LCORL: variants seen among roughly 807,000 people sequenced by gnomAD.
The protein encoded by LCORL is ligand dependent nuclear receptor corepressor like.
LCORL carries 41 observed loss-of-function variants against 141.8 expected under a neutral mutation model. That is an observed-to-expected ratio of 0.29 (90% CI 0.23 to 0.38). The LOEUF (loss-of-function observed/expected upper bound fraction) is 0.38. Ranked by LOEUF, LCORL falls within the 10% of genes least tolerant of loss-of-function variation. The pLI is 1.00. For synonymous variants in LCORL, 618 were observed against 694.1 expected, an observed-to-expected ratio of 0.89 and a Z score of 1.72; for missense variants, 1,759 against 2,035.0, an observed-to-expected ratio of 0.86 and a Z score of 2.61.
intron 4 of LCORL, among the ~76,000 whole-genome samples, chr4:17,945,300 G>T (rs1269392852): frequency 6.6e-6 from 1 of 151,674 alleles, no homozygotes; most frequent in East Asian, 1.9e-4. Context: ...AATTATGTGA[G>T]AATACAAACA....
chr4:17,863,977 C>A (rs1380383939), intron 7 of LCORL, among the ~76,000 whole-genome samples: 1 of 152,050 alleles, frequency 6.6e-6, no homozygotes, highest in African/African-American at 2.4e-5. Flanking sequence ...AAGAGAACAA[C>A]AGAAAGCAGG....
intron 4 of LCORL, among the ~76,000 whole-genome samples, chr4:17,945,147 T>C (rs1331589102): frequency 6.6e-6 from 1 of 152,108 alleles, no homozygotes; most frequent in Non-Finnish European, 1.5e-5. Context: ...CCAAAGTACT[T>C]TAGAGATAAG....
intron 6 of LCORL, chr4:17,882,374 C>A: frequency 1.0e-6 from 1 of 982,980 alleles, no homozygotes; most frequent in Non-Finnish European, 1.2e-6. Flanking sequence ...TATATGAAGG[C>A]ATATGCTTTA....
At chr4:17,903,010 A>G (rs924015877) in intron 5 of LCORL, among the ~76,000 whole-genome samples, 3 of 152,108 alleles carry the variant, frequency 2.0e-5, no homozygotes, top group Admixed American at 6.5e-5. Context: ...ATTAAAAAGT[A>G]TATTTCAGAA....
At chr4:17,880,473 T>C in intron 6 of LCORL, 1 of 937,640 alleles carries the variant, frequency 1.1e-6, no homozygotes, top group Non-Finnish European at 1.3e-6. Context: ...TGCCTATTTT[T>C]AGTATGTTAC....
chr4:17,955,181 C>CA lies in LCORL; in HGVS notation c.430+6721dup, dbSNP rs201620863. On this transcript the variant is annotated intron_variant, in intron 4 of 7. Transcript: ENST00000635767. ...TGAAAGAAGCAATCTGTGAGAAAGG[C>CA]AAAAAAAATCCAAAGGGTATAATTT... Among the ~76,000 whole-genome samples, 1,166 of 151,038 alleles carry CA rather than the reference C, an allele frequency of 7.7e-3. 10 individuals are homozygous for CA. Among genetic ancestry groups the CA allele is most frequent in the Non-Finnish European group, 0.013 (869 of 67,604 alleles).
At chr4:17,896,502 G>A (rs575020718) in intron 5 of LCORL, among the ~76,000 whole-genome samples, 5 of 152,150 alleles carry the variant, frequency 3.3e-5, no homozygotes, top group Admixed American at 2.0e-4. Context: ...GGCTGGTCTC[G>A]AACTCCTGAC....
intron 7 of LCORL, among the ~76,000 whole-genome samples, chr4:17,860,943 C>T (rs1724934233): frequency 6.6e-6 from 1 of 152,200 alleles, no homozygotes; most frequent in Non-Finnish European, 1.5e-5. Context: ...TTATCATGGT[C>T]TTGGGCAGCT....
rs563026474 is a variant in LCORL, at chr4:17,895,704, C to G, written c.683-9543G>C. 4.6e-5 allele frequency among the ~76,000 whole-genome samples: 7 copies of G among 152,304 alleles called. No individual in the cohort carries two copies. The South Asian group carries it at 6.2e-4, about 14-fold the overall frequency. The stretch of plus-strand genomic sequence containing the variant: ...CTGCACCCTTGGGCGACTGCTCTCC[C>G]TTGTCCTATGACTCCTGGCCTTTGG... On this transcript the variant is annotated intron_variant, in intron 5 of 7. Transcript: ENST00000635767.
chr4:17,906,430 C>A (rs1458642814), intron 5 of LCORL, among the ~76,000 whole-genome samples: 1 of 152,094 alleles, frequency 6.6e-6, no homozygotes, highest in East Asian at 1.9e-4. Context: ...TAATTTCTAT[C>A]CTCAAGAAGA....
chr4:18,006,641 AG>A (rs1214143562), intron 1 of LCORL, among the ~76,000 whole-genome samples: 2 of 152,302 alleles, frequency 1.3e-5, no homozygotes, highest in Non-Finnish European at 2.9e-5. Flanking sequence ...GTGGCAGACA[AG>A]AGAAGAGAGC....
At chr4:18,019,280 A>T (rs941022444) in intron 1 of LCORL, among the ~76,000 whole-genome samples, 4 of 152,212 alleles carry the variant, frequency 2.6e-5, no homozygotes, top group African/African-American at 9.7e-5. Flanking sequence ...CGGAGGTTGC[A>T]GTGAGCTGAG....
exon 8 of LCORL, chr4:17,843,281 G>GTAT (rs1722601964): frequency 1.3e-6 from 2 of 1,597,526 alleles, no homozygotes; most frequent in African/African-American, 1.4e-5. Context: ...CTAAATTCGT[G>GTAT]TATTTTCAAC....
At chr4:17,876,293 T>C in exon 7 of LCORL, 1 of 1,231,012 alleles carries the variant, frequency 8.1e-7, no homozygotes, top group Non-Finnish European at 1.0e-6. Flanking sequence ...TGCCGGATGC[T>C]ACCACAGATT....
rs539526819 is a variant in LCORL at position 17,941,482 on chromosome 4, C to T, written c.430+20421G>A. Among the ~76,000 whole-genome samples the T allele has an allele frequency of 6.6e-5, 10 of 151,884 alleles. No individual in the cohort carries two copies. In the East Asian group the frequency reaches 1.5e-3, roughly 24 times the overall value. ...TCAAAAAAAAAAAAATCATTGATAA[C>T]CACCATAACCATAGACTGCCATAAT... is the stretch of plus-strand genomic sequence containing the variant. On this transcript the variant is annotated intron_variant, in intron 4 of 7. Transcript: ENST00000635767.
At chr4:17,898,628 C>A (rs900107985) in intron 5 of LCORL, among the ~76,000 whole-genome samples, 16 of 146,634 alleles carry the variant, frequency 1.1e-4, no homozygotes, top group African/African-American at 4.0e-4. Flanking sequence ...CCTGGAAATT[C>A]ACTATCAAGA....
At chr4:18,006,473 G>T (rs902511716) in intron 1 of LCORL, among the ~76,000 whole-genome samples, 2 of 151,948 alleles carry the variant, frequency 1.3e-5, no homozygotes, top group Non-Finnish European at 2.9e-5. Context: ...CCACTCTACT[G>T]GTACCAATTT....
chr4:17,960,910 A>AT (rs11451803), intron 4 of LCORL, among the ~76,000 whole-genome samples: 2 of 151,956 alleles, frequency 1.3e-5, no homozygotes, highest in South Asian at 2.1e-4. Flanking sequence ...AATTATATTA[A>AT]GACTCTTCTA....
exon 7 of LCORL, chr4:17,877,777 T>G: frequency 8.1e-7 from 1 of 1,230,700 alleles, no homozygotes; most frequent in South Asian, 4.1e-5. Context: ...GAGTGAATGT[T>G]TGGTAACAGT....
Sources: gnomAD v4.1 joint callset for allele counts (sites outside exome capture counted in the v4.1 genomes callset) on GRCh38, gnomAD v4.1.1 for gene constraint, MANE v1.5 for transcripts, NCBI Gene and HGNC (gene_info 2026-07-23, HGNC 2026-07-21) for gene names.